Variants in ANGPT2 observed in about 807,000 individuals in gnomAD.
The protein encoded by ANGPT2 is angiopoietin-2.
Under a neutral mutation model 62.9 loss-of-function variants are expected in ANGPT2, and 28 were observed. That is an observed-to-expected ratio of 0.44 (90% confidence interval 0.33 to 0.61). The LOEUF (loss-of-function observed/expected upper bound fraction) is 0.61. Among genes scored for constraint, ANGPT2 ranks in the 20% least tolerant of loss-of-function variants. The pLI is 0.03. For synonymous variants in ANGPT2, 284 were observed against 207.8 expected, an observed-to-expected ratio of 1.37 and a Z score of -3.15; for missense variants, 727 against 594.9, an observed-to-expected ratio of 1.22 and a Z score of -2.31.
intron 5 of ANGPT2, among the ~76,000 whole-genome samples, chr8:6,518,435 C>T (rs529083529): frequency 7.4e-4 from 113 of 152,200 alleles, no homozygotes; most frequent in African/African-American, 2.6e-3. Flanking sequence ...GCTTCTAGGG[C>T]GTTAGGGACA....
intron 5 of ANGPT2, among the ~76,000 whole-genome samples, chr8:6,515,607 G>A (rs1816114809): frequency 6.6e-6 from 1 of 152,060 alleles, no homozygotes. Context: ...GTTTTATTAT[G>A]AAATTAAAAA....
At chr8:6,528,347 T>C (rs1818777055) in intron 2 of ANGPT2, among the ~76,000 whole-genome samples, 1 of 152,218 alleles carries the variant, frequency 6.6e-6, no homozygotes, top group Non-Finnish European at 1.5e-5. Flanking sequence ...AGGTGGAAAG[T>C]ATTTTCCCTT....
At chr8:6,547,952 G>A (rs1475482792) in intron 1 of ANGPT2, among the ~76,000 whole-genome samples, 3 of 150,312 alleles carry the variant, frequency 2.0e-5, no homozygotes, top group South Asian at 2.1e-4. Context: ...TGACTCCTAC[G>A]AGCCAGTTTA....
intron 2 of ANGPT2, among the ~76,000 whole-genome samples, chr8:6,528,308 A>G (rs1412062630): frequency 6.6e-6 from 1 of 152,248 alleles, no homozygotes; most frequent in African/African-American, 2.4e-5. Flanking sequence ...CAATGAGACA[A>G]GTAGGAGTAT....
In ANGPT2 at chr8:6,502,950, A is replaced by C. The variant is rs536883872; in HGVS notation, c.*151T>G. 2.2e-5 allele frequency: 18 copies of C among 818,988 alleles called. No homozygotes were observed. In the South Asian group the frequency reaches 3.4e-4, roughly 15 times the overall value. The allele number at this position is 818,988 out of a possible 1,614,324, so 50.7% of individuals were successfully genotyped here. A position where few individuals can be genotyped will look rare whatever the true frequency, so the allele number is the denominator to read the frequency against. The stretch of plus-strand genomic sequence containing the variant: ...TGCAAGTTTAAGTGATAAAGTTTAC[A>C]GGCTCTAATCTGGAGCATGTGGGTC... On this transcript the variant is annotated 3_prime_UTR_variant, in exon 9 of 9. Coordinates refer to ENST00000629816, the MANE Select transcript of ANGPT2 (RefSeq NM_001118887.2).
intron 1 of ANGPT2, among the ~76,000 whole-genome samples, chr8:6,550,559 G>T (rs1013300548): frequency 3.3e-5 from 5 of 152,230 alleles, no homozygotes; most frequent in Admixed American, 1.3e-4. Flanking sequence ...CCCACTCGGG[G>T]TGAGGGGTGT....
At chr8:6,530,149 A>T (rs1819191919) in intron 2 of ANGPT2, among the ~76,000 whole-genome samples, 1 of 152,104 alleles carries the variant, frequency 6.6e-6, no homozygotes, top group Non-Finnish European at 1.5e-5. Flanking sequence ...GTTAGTATCA[A>T]AAGGTGGGGC....
At chr8:6,550,632 C>T (rs561611943) in intron 1 of ANGPT2, among the ~76,000 whole-genome samples, 1 of 152,304 alleles carries the variant, frequency 6.6e-6, no homozygotes, top group South Asian at 2.1e-4. Flanking sequence ...AGTCTGTCGG[C>T]CCTCCTGACC....
intron 7 of ANGPT2, among the ~76,000 whole-genome samples, chr8:6,509,476 G>C (rs187466670): frequency 5.3e-5 from 8 of 152,222 alleles, no homozygotes; most frequent in Non-Finnish European, 8.8e-5. Flanking sequence ...GGGGCCCCGG[G>C]GGGGATGGAG....
chr8:6,530,746 A>G (rs1042175834), intron 2 of ANGPT2, among the ~76,000 whole-genome samples: 1 of 152,072 alleles, frequency 6.6e-6, no homozygotes, highest in African/African-American at 2.4e-5. Context: ...TTGTTATTCT[A>G]TTCTCTTATC....
intron 1 of ANGPT2, among the ~76,000 whole-genome samples, chr8:6,547,818 G>C (rs1822878845): frequency 6.6e-6 from 1 of 152,112 alleles, no homozygotes. Flanking sequence ...CCGGAAGAAG[G>C]GAGCCGTGGC....
chr8:6,532,236 T>C lies in ANGPT2; in HGVS notation c.444+96A>G, dbSNP rs1819658508. ...CTTTTCTCCTGTGGTGGTGCTTTCT[T>C]TAGTTTCTCATGCCTTCATTGAGGA... On this transcript the variant is annotated intron_variant, in intron 2 of 8. Transcript: ENST00000629816. The C allele has an allele frequency of 1.1e-5, 16 of 1,411,966 alleles. No individual in the cohort carries two copies. In the South Asian group the frequency reaches 2.0e-4, roughly 18 times the overall value. 87.5% of individuals were successfully genotyped at this position (1,411,966 alleles called of 1,614,324 possible).
chr8:6,515,467 C>G (rs1213237726), intron 5 of ANGPT2, among the ~76,000 whole-genome samples: 3 of 152,154 alleles, frequency 2.0e-5, no homozygotes, highest in African/African-American at 4.8e-5. Context: ...AGCTCACTGC[C>G]CACAGTTTTT....
chr8:6,527,981 C>A (rs991700839), intron 2 of ANGPT2, among the ~76,000 whole-genome samples: 1 of 150,784 alleles, frequency 6.6e-6, no homozygotes, highest in Non-Finnish European at 1.5e-5. Context: ...CTGCAACCTC[C>A]GCCTCCCGGG....
intron 1 of ANGPT2, among the ~76,000 whole-genome samples, chr8:6,551,226 G>A (rs1253995645): frequency 4.1e-5 from 6 of 148,028 alleles, no homozygotes; most frequent in East Asian, 3.9e-4. Flanking sequence ...CTGCTTATTC[G>A]TGATTTTTTT....
At chr8:6,562,197 C>T (rs943146643) in intron 1 of ANGPT2, among the ~76,000 whole-genome samples, 1 of 152,170 alleles carries the variant, frequency 6.6e-6, no homozygotes, top group African/African-American at 2.4e-5. Context: ...CGTTATGCCT[C>T]GGTCATCAGC....
At chr8:6,505,234 T>G in intron 8 of ANGPT2, among the ~76,000 whole-genome samples, 1 of 4,894 alleles carries the variant, frequency 2.0e-4, no homozygotes, top group Non-Finnish European at 4.8e-4. Context: ...CTTATGTATA[T>G]ATAGAATATA....
chr8:6,537,905 A>G (rs1202037350), intron 1 of ANGPT2, among the ~76,000 whole-genome samples: 1 of 152,188 alleles, frequency 6.6e-6, no homozygotes, highest in African/African-American at 2.4e-5. Flanking sequence ...ATAAAATTCA[A>G]GGTCCTTAGA....
chr8:6,550,288 C>A (rs998153403), intron 1 of ANGPT2, among the ~76,000 whole-genome samples: 1 of 152,056 alleles, frequency 6.6e-6, no homozygotes, highest in Non-Finnish European at 1.5e-5. Flanking sequence ...GAGGTTGAAT[C>A]CCCGGGGCAT....
Sources: allele counts gnomAD v4.1 joint callset (sites outside exome capture counted in the v4.1 genomes callset), GRCh38; gene constraint gnomAD v4.1.1; transcripts MANE v1.5; gene names NCBI Gene and HGNC (gene_info 2026-07-23, HGNC 2026-07-21).